RP1: variants seen among roughly 807,000 people sequenced by gnomAD.
RP1 encodes the protein RP1 axonemal microtubule associated, also known as oxygen-regulated protein 1.
In RP1, 16 loss-of-function variants were observed where a neutral mutation model predicts 14.8. The ratio of observed to expected loss-of-function variants is 1.08; its 90% confidence interval spans 0.73 to 1.65. The LOEUF (loss-of-function observed/expected upper bound fraction) is 1.65, where lower values mean the gene tolerates loss of function less well. Ranked by LOEUF, RP1 falls within the 40% of genes most tolerant of loss-of-function variation. The probability of loss-of-function intolerance (pLI) is 0.00; values close to 1 mark genes in which losing one functional copy is unlikely to be tolerated. For missense variants in RP1, 2,631 were observed against 2,535.0 expected (o/e 1.04, Z -0.81); for synonymous variants, 876 against 883.6 (o/e 0.99, Z 0.15).
At chr8:54,726,359 C>T (rs1188302746) in exon 17 of RP1, 67 of 1,520,696 alleles carry the variant, frequency 4.4e-5, no homozygotes, top group Non-Finnish European at 5.4e-5. Context: ...CAGAGAAAAC[C>T]CAATGGGAAT....
Position 54,707,384 on chromosome 8 carries a change from AAG to A in RP1, c.2211+730_2211+731del, listed in dbSNP as rs543996830. ...AGAGATCCACTGCCTTGGCCTCCCA[AAG>A]TGCTGGAATTATAGGCCTAAGACAC... On this transcript the variant is annotated intron_variant, in intron 15 of 22. Coordinates refer to the RP1 transcript ENST00000636932. Among the ~76,000 whole-genome samples, 381 of 152,212 alleles carry A rather than the reference AAG, an allele frequency of 2.5e-3. 2 individuals carry two copies. Among genetic ancestry groups the A allele is most frequent in the African/African-American group, 8.5e-3 (352 of 41,526 alleles).
At chr8:54,726,522 T>C in intron 17 of RP1, 1 of 1,501,546 alleles carries the variant, frequency 6.7e-7, no homozygotes, top group Non-Finnish European at 8.8e-7. Context: ...GTTTGCTGCA[T>C]TATTTCTTCC....
At chr8:54,720,314 T>C (rs1374334787) in intron 16 of RP1, 1 of 1,530,730 alleles carries the variant, frequency 6.5e-7, no homozygotes, top group Non-Finnish European at 8.7e-7. Flanking sequence ...AATGTATGTT[T>C]ACTCTGAAAT....
At chr8:54,669,469 C>T (rs1031271537) in intron 7 of RP1, among the ~76,000 whole-genome samples, 21 of 152,146 alleles carry the variant, frequency 1.4e-4, no homozygotes, top group African/African-American at 4.6e-4. Context: ...GACAGTGTGG[C>T]GATTCCTCAA....
rs1458905389 is a variant in RP1 at position 54,585,937 on chromosome 8, T to TAA, written c.-13+26617_-13+26618insAA. 5.7e-3 allele frequency among the ~76,000 whole-genome samples: 861 copies of TAA among 152,324 alleles called. 9 individuals carry two copies. The highest frequency in any genetic ancestry group is 0.02 in the African/African-American group (827 of 41,574). ...AGGTTTTTAACTTCTTTGCCATGGGTTCGAACTTCCTCCTTTAGCTCGGAG... is the reference window on the plus strand; with the variant it reads ...AGGTTTTTAACTTCTTTGCCATGGGTAATCGAACTTCCTCCTTTAGCTCGGAG... On this transcript the variant is annotated intron_variant, in intron 1 of 22. Coordinates refer to the RP1 transcript ENST00000636932.
upstream of RP1, among the ~76,000 whole-genome samples, chr8:54,614,908 T>C (rs1474709973): frequency 6.6e-6 from 1 of 152,184 alleles, no homozygotes; most frequent in Non-Finnish European, 1.5e-5. Flanking sequence ...ACATAGATTA[T>C]AGAATTAAAG....
intron 1 of RP1, among the ~76,000 whole-genome samples, chr8:54,607,686 C>T (rs1805488283): frequency 6.6e-6 from 1 of 152,188 alleles, no homozygotes; most frequent in Non-Finnish European, 1.5e-5. Flanking sequence ...CTGCGGTGGG[C>T]TTCACCCAGT....
chr8:54,843,051 C>T (rs1001576824), intron 25 of RP1, among the ~76,000 whole-genome samples: 3 of 152,042 alleles, frequency 2.0e-5, no homozygotes, highest in Admixed American at 6.6e-5. Flanking sequence ...ACGGCTCAGA[C>T]GTACTTCTTT....
chr8:54,863,247 T>C (rs967601233), intron 27 of RP1, among the ~76,000 whole-genome samples: 7 of 152,000 alleles, frequency 4.6e-5, no homozygotes, highest in Non-Finnish European at 7.4e-5. Flanking sequence ...GAAACACATA[T>C]ACTTACCATT....
intron 26 of RP1, among the ~76,000 whole-genome samples, chr8:54,855,419 C>T (rs1413281955): frequency 2.0e-5 from 3 of 152,046 alleles, no homozygotes; most frequent in African/African-American, 7.2e-5. Context: ...TGAATGATGT[C>T]GCTATGAACA....
intron 1 of RP1, among the ~76,000 whole-genome samples, chr8:54,569,856 A>T (rs1184508472): frequency 6.6e-6 from 1 of 152,232 alleles, no homozygotes; most frequent in Non-Finnish European, 1.5e-5. Context: ...AAAGAAGCCC[A>T]GTCATAGGAG....
Position 54,837,460 on chromosome 8 carries a change from AAG to A in RP1, c.3628_3629del (p.Asp1210TyrfsTer3). ...TCCTTTGTGTTGCAGATTAATCTCA[AAG>A]ATATTGGTGAAATCTATAAAATACG... On this transcript the variant is annotated frameshift_variant, in exon 25 of 29. Transcript: ENST00000637698. LOFTEE classifies it high-confidence loss of function. 8.2e-7 allele frequency: 1 copy of A among 1,226,428 alleles called. No individual in the cohort carries two copies. Among genetic ancestry groups the A allele is most frequent in the South Asian group, 4.1e-5 (1 of 24,206 alleles). 76.0% of individuals were successfully genotyped at this position (1,226,428 alleles called of 1,614,324 possible).
At chr8:54,651,385 C>G (rs775890271) in intron 4 of RP1, among the ~76,000 whole-genome samples, 11 of 152,066 alleles carry the variant, frequency 7.2e-5, no homozygotes, top group Admixed American at 2.6e-4. Flanking sequence ...ACCAATGAAG[C>G]CTTCTGTCCT....
intron 6 of RP1, among the ~76,000 whole-genome samples, chr8:54,662,707 A>G (rs1806928950): frequency 2.6e-5 from 4 of 152,160 alleles, no homozygotes; most frequent in Non-Finnish European, 5.9e-5. Context: ...TCTCTGGTGC[A>G]TTGAATCCAG....
At chr8:54,864,722 A>G (rs1563400373) in intron 27 of RP1, among the ~76,000 whole-genome samples, 1 of 152,342 alleles carries the variant, frequency 6.6e-6, no homozygotes, top group Non-Finnish European at 1.5e-5. Flanking sequence ...CAATTTATCT[A>G]TGCCAGCCCC....
chr8:54,627,537 A>G lies in RP1; in HGVS notation c.3655A>G (p.Ser1219Gly). Residue 1219 changes from serine to glycine, a missense_variant, in exon 4 of 4, where the codon AGT becomes GGT. Ser to Gly is a moderately conservative substitution (Grantham distance 56). Transcript: ENST00000220676. ...AAATTGTTCCACGGTCAACATTCAG[A>G]GTGTTCCTAAGTGCAGTGAAAATGA... is the stretch of plus-strand genomic sequence containing the variant. ...SANCSTVNIQ[S>G]VPKCSENERT... is the part of the protein sequence containing the mutation. The G allele has an allele frequency of 6.2e-7, 1 of 1,614,194 alleles. No individual in the cohort carries two copies. The highest frequency in any genetic ancestry group is 1.1e-5 in the South Asian group (1 of 91,090).
At chr8:54,575,594 G>A (rs1362932003) in intron 1 of RP1, among the ~76,000 whole-genome samples, 1 of 151,990 alleles carries the variant, frequency 6.6e-6, no homozygotes, top group African/African-American at 2.4e-5. Context: ...TACGACAATC[G>A]TCACCTCGTT....
exon 13 of RP1, chr8:54,699,476 A>T: frequency 1.2e-5 from 16 of 1,370,124 alleles, no homozygotes; most frequent in Non-Finnish European, 1.5e-5. Flanking sequence ...GGTGTCTTTG[A>T]TGTTATTTTC....
intron 1 of RP1, among the ~76,000 whole-genome samples, chr8:54,578,915 T>C (rs1047668015): frequency 5.9e-5 from 9 of 152,196 alleles, no homozygotes; most frequent in African/African-American, 1.7e-4. Context: ...TTACAACCCA[T>C]GCCTGCCTCA....
Sources: allele counts gnomAD v4.1 joint callset (sites outside exome capture counted in the v4.1 genomes callset), GRCh38; gene constraint gnomAD v4.1.1; transcripts MANE v1.5; gene names NCBI Gene and HGNC (gene_info 2026-07-23, HGNC 2026-07-21).